MIPEP: variants seen among roughly 807,000 people sequenced by gnomAD.
The protein encoded by MIPEP is mitochondrial intermediate peptidase.
Under a neutral mutation model 90.3 loss-of-function variants are expected in MIPEP, and 79 were observed. The ratio of observed to expected loss-of-function variants is 0.87; its 90% confidence interval spans 0.73 to 1.05. The LOEUF (loss-of-function observed/expected upper bound fraction) is 1.05, where lower values mean the gene tolerates loss of function less well. MIPEP is among the 50% of genes least tolerant of loss of function. The probability of loss-of-function intolerance (pLI) is 0.00; values close to 1 mark genes in which losing one functional copy is unlikely to be tolerated. For missense variants in MIPEP, 940 were observed against 905.6 expected (o/e 1.04, Z -0.49); for synonymous variants, 334 against 315.8 (o/e 1.06, Z -0.61).
At chr13:23,812,007 G>A (rs1179033611) in intron 14 of MIPEP, among the ~76,000 whole-genome samples, 1 of 152,046 alleles carries the variant, frequency 6.6e-6, no homozygotes, top group Non-Finnish European at 1.5e-5. Context: ...TGGGCAGTGG[G>A]CAAGAAGAAC....
chr13:23,804,801 T>G (rs544683534), intron 16 of MIPEP, among the ~76,000 whole-genome samples: 2 of 152,330 alleles, frequency 1.3e-5, no homozygotes, highest in South Asian at 4.1e-4. Context: ...GCACAACATA[T>G]TCTGCTATCC....
rs140283434 is a variant in MIPEP at position 23,786,400 on chromosome 13, G to A, written c.1848+19550C>T. ...GTTCTCTTTAAGCATAACAGGAAAC[G>A]GAAAAAGTCTAATAGATTTAATTAA... On this transcript the variant is annotated intron_variant, in intron 16 of 18. Coordinates refer to ENST00000382172, the MANE Select transcript of MIPEP (RefSeq NM_005932.4). Among the ~76,000 whole-genome samples the A allele has an allele frequency of 2.4e-4, 37 of 151,912 alleles. No individual in the cohort carries two copies. The East Asian group carries it at 3.3e-3, about 13-fold the overall frequency.
At chr13:23,754,996 G>A (rs2138509735) in intron 18 of MIPEP, among the ~76,000 whole-genome samples, 1 of 152,312 alleles carries the variant, frequency 6.6e-6, no homozygotes, top group Admixed American at 6.5e-5. Flanking sequence ...ATACTGCCTT[G>A]TTACATAAGC....
At chr13:23,754,200 C>CCAA (rs1952469323) in intron 18 of MIPEP, among the ~76,000 whole-genome samples, 2 of 152,236 alleles carry the variant, frequency 1.3e-5, no homozygotes, top group East Asian at 3.9e-4. Context: ...AGGCTGTGAG[C>CCAA]CAACACCTAA....
intron 14 of MIPEP, among the ~76,000 whole-genome samples, chr13:23,826,522 G>T (rs1015939964): frequency 6.6e-6 from 1 of 152,038 alleles, no homozygotes; most frequent in African/African-American, 2.4e-5. Context: ...CCCTGCAAAG[G>T]TTTAAAACTT....
In MIPEP at chr13:23,869,996, G is replaced by A. The variant is rs368505754; in HGVS notation, c.786+17C>T. On this transcript the variant is annotated intron_variant, in intron 6 of 18. Coordinates refer to ENST00000382172, the MANE Select transcript of MIPEP (RefSeq NM_005932.4). ...ACAAATGGGACCTAAACAACAAAGA[G>A]AATGAAACATACATACCAAGTCATC... is the stretch of plus-strand genomic sequence containing the variant. 6.5e-7 allele frequency: 1 copy of A among 1,540,562 alleles called. No homozygotes were observed. The highest frequency in any genetic ancestry group is 8.8e-7 in the Non-Finnish European group (1 of 1,138,806).
rs1952492370 is a variant in MIPEP, at chr13:23,756,493, AAAACATAAAT to A, written c.2044+42_2044+51del. On this transcript the variant is annotated intron_variant, in intron 18 of 18. Coordinates refer to ENST00000382172, the MANE Select transcript of MIPEP (RefSeq NM_005932.4). ...CTTTAAATGAAAAAAACATATGGAG[AAAACATAAAT>A]CAGCTTTCATTATAGATGGTGCCAT... 2.6e-6 allele frequency: 4 copies of A among 1,554,940 alleles called. No homozygotes were observed. The East Asian group carries it at 9.0e-5, about 35-fold the overall frequency.
chr13:23,781,103 AC>A (rs1372176534), intron 16 of MIPEP, among the ~76,000 whole-genome samples: 1 of 152,196 alleles, frequency 6.6e-6, no homozygotes, highest in Non-Finnish European at 1.5e-5. Flanking sequence ...AATACAGAGA[AC>A]ACCACAAAGA....
Position 23,850,260 on chromosome 13 carries a change from G to T in MIPEP, c.1106+8600C>A, listed in dbSNP as rs577639152. Among the ~76,000 whole-genome samples, 14 of 152,296 alleles carry T rather than the reference G, an allele frequency of 9.2e-5. No homozygotes were observed. The East Asian group carries it at 2.5e-3, about 27-fold the overall frequency. Reference sequence around the variant, plus strand: ...AAGTATAATTCTCATGTTATAGCTGGGTGACATTTTGAAATGCTGCCTTGA... The same window carrying T: ...AAGTATAATTCTCATGTTATAGCTGTGTGACATTTTGAAATGCTGCCTTGA... On this transcript the variant is annotated intron_variant, in intron 10 of 18. Transcript: ENST00000382172.
rs1206546929 is a variant in MIPEP at position 23,889,134 on chromosome 13, G to T, written c.187C>A (p.Arg63=). The T allele has an allele frequency of 7.1e-7, 1 of 1,417,944 alleles. No individual in the cohort carries two copies. The highest frequency in any genetic ancestry group is 1.5e-5 in the African/African-American group (1 of 66,064). The allele number at this position is 1,417,944 out of a possible 1,614,324, so 87.8% of individuals were successfully genotyped here. A position where few individuals can be genotyped will look rare whatever the true frequency, so the allele number is the denominator to read the frequency against. ...GSRLDLFGER[R]GLFGVPELSA... is the part of the protein sequence containing the mutation. The stretch of plus-strand genomic sequence containing the variant: ...GGAGCTCCTCCTGCGCCGCTCACCC[G>T]GCGCTCGCCGAACAGGTCCAAGCGG... Residue 63 remains arginine (R), a splice_region_variant and synonymous_variant, in exon 1 of 19, where the codon CGG becomes AGG. Transcript: ENST00000382172.
intron 12 of MIPEP, among the ~76,000 whole-genome samples, chr13:23,838,067 G>C (rs948210290): frequency 6.6e-6 from 1 of 152,168 alleles, no homozygotes; most frequent in African/African-American, 2.4e-5. Context: ...AACTTACGAA[G>C]GGACACTAAC....
chr13:23,876,261 A>G (rs1871069896), intron 4 of MIPEP, among the ~76,000 whole-genome samples: 1 of 152,200 alleles, frequency 6.6e-6, no homozygotes, highest in Non-Finnish European at 1.5e-5. Flanking sequence ...GTTTTGCTTC[A>G]TTCTATCTTT....
intron 4 of MIPEP, among the ~76,000 whole-genome samples, chr13:23,877,300 C>G (rs978841613): frequency 6.6e-6 from 1 of 152,140 alleles, no homozygotes; most frequent in African/African-American, 2.4e-5. Flanking sequence ...CCATTTCGGT[C>G]GCTTGCATGC....
intron 16 of MIPEP, among the ~76,000 whole-genome samples, chr13:23,793,687 C>G (rs369199305): frequency 5.5e-4 from 84 of 151,906 alleles, no homozygotes; most frequent in African/African-American, 2.0e-3. Context: ...CAAATGGCAT[C>G]AATACATTAT....
chr13:23,807,680 A>G (rs1241249780), intron 15 of MIPEP, among the ~76,000 whole-genome samples: 1 of 152,224 alleles, frequency 6.6e-6, no homozygotes, highest in Non-Finnish European at 1.5e-5. Context: ...AGGGAGGCCA[A>G]AATTACTCAA....
At chr13:23,752,611 A>G (rs1011639962) in intron 18 of MIPEP, among the ~76,000 whole-genome samples, 2 of 152,240 alleles carry the variant, frequency 1.3e-5, no homozygotes, top group African/African-American at 4.8e-5. Context: ...CTTATTACTC[A>G]GAAATGTGAT....
intron 14 of MIPEP, among the ~76,000 whole-genome samples, chr13:23,835,651 A>G (rs1024394428): frequency 1.3e-5 from 2 of 152,262 alleles, no homozygotes; most frequent in African/African-American, 4.8e-5. Context: ...ACACATGGAC[A>G]GTAAACAGCA....
chr13:23,882,564 GAC>G (rs1439840431), intron 2 of MIPEP, among the ~76,000 whole-genome samples: 2 of 152,102 alleles, frequency 1.3e-5, no homozygotes, highest in East Asian at 3.8e-4. Context: ...TAAAATGAGT[GAC>G]AGTTCTTTTT....
chr13:23,740,984 GCT>G (rs1259815086), intron 18 of MIPEP, among the ~76,000 whole-genome samples: 1 of 152,238 alleles, frequency 6.6e-6, no homozygotes, highest in African/African-American at 2.4e-5. Flanking sequence ...AGGTCTGGGT[GCT>G]CTGTGTATGT....
Sources: gnomAD v4.1 joint callset for allele counts (sites outside exome capture counted in the v4.1 genomes callset) on GRCh38, gnomAD v4.1.1 for gene constraint, MANE v1.5 for transcripts, NCBI Gene and HGNC (gene_info 2026-07-23, HGNC 2026-07-21) for gene names.